The following COL17A1 variants were observed in gnomAD, a reference collection of about 807,000 sequenced individuals.
The protein encoded by COL17A1 is collagen alpha-1(XVII) chain.
In COL17A1, 181 loss-of-function variants were observed where a neutral mutation model predicts 218.4. That is an observed-to-expected ratio of 0.83 (90% CI 0.73 to 0.94). The LOEUF is 0.94. COL17A1 is among the 40% of genes least tolerant of loss of function. COL17A1 has a pLI of 0.00. For missense variants in COL17A1, 1,924 were observed against 1,945.9 expected (o/e 0.99, Z 0.21); for synonymous variants, 721 against 731.0 (o/e 0.99, Z 0.22).
At chr10:104,051,651 G>T in intron 24 of COL17A1, 135 bp from the exon 25 acceptor site, 1 of 1,093,238 alleles carries the variant, frequency 9.1e-7, no homozygotes, top group Non-Finnish European at 1.4e-6. Context: ...GCAGGCCAGG[G>T]GTGACCCCAG....
intron 34 of COL17A1, 32 bp from the exon 35 acceptor site, chr10:104,043,613 C>T: frequency 6.2e-7 from 1 of 1,611,836 alleles, no homozygotes; most frequent in South Asian, 1.1e-5. Context: ...AACATTGAGC[C>T]CTACTTTTCT....
chr10:104,055,867 G>T lies in COL17A1; in HGVS notation c.1602C>A (p.Asp534Glu). 2 of 1,614,180 alleles carry T rather than the reference G, an allele frequency of 1.2e-6. No individual in the cohort carries two copies. The highest frequency in any genetic ancestry group is 8.5e-7 in the Non-Finnish European group (1 of 1,180,038). The change falls in exon 18 of 56, where the codon GAC becomes GAA. Residue 534 changes from aspartate to glutamate, a missense_variant. Transcript: ENST00000648076. ...CACTGTGCAGCCCAATTTTGTCCAG[G>T]TCTGCTCCCGCCGCGGGTGCCATGC... ...LQGMAPAAGADLDKIGLHSDS... is the reference protein window; with the variant it reads ...LQGMAPAAGAELDKIGLHSDS...
At chr10:104,046,401 G>A (rs1217502837) in intron 32 of COL17A1, among the ~76,000 whole-genome samples, 4 of 152,176 alleles carry the variant, frequency 2.6e-5, no homozygotes, top group Non-Finnish European at 4.4e-5. Flanking sequence ...GCCCTGTCAT[G>A]CCAGTGGGGG....
At position 104,039,662 on chromosome 10, in the gene COL17A1, G is replaced by A. The variant is rs746497542; in HGVS notation, c.2789-22C>T. 1.1e-5 allele frequency: 18 copies of A among 1,613,732 alleles called. No individual in the cohort carries two copies. The Admixed American group carries it at 2.2e-4, about 19-fold the overall frequency. On this transcript the variant is annotated intron_variant, in intron 41 of 55. Coordinates refer to ENST00000648076, the MANE Select transcript of COL17A1 (RefSeq NM_000494.4). The stretch of plus-strand genomic sequence containing the variant: ...TCGCCTGAGGAACACACCAAGGGAG[G>A]GACAGTCAGCCTCACTTTTCTCACC...
intron 15 of COL17A1, among the ~76,000 whole-genome samples, chr10:104,059,125 C>G (rs771594733): frequency 1.3e-5 from 2 of 152,146 alleles, no homozygotes; most frequent in Admixed American, 1.3e-4. Flanking sequence ...AATCTCTCAC[C>G]TTGTTAAAGT....
At chr10:104,053,195 C>T in intron 22 of COL17A1, 60 bp from the exon 23 acceptor site, 1 of 1,584,478 alleles carries the variant, frequency 6.3e-7, no homozygotes, top group Non-Finnish European at 8.6e-7. Context: ...AACGGCTCCA[C>T]AGGCAGCCTC....
chr10:104,077,457 C>G lies in COL17A1; in HGVS notation c.167G>C (p.Ser56Thr), dbSNP rs1394179595. 3.1e-6 allele frequency: 5 copies of G among 1,613,586 alleles called. No homozygotes were observed. Among genetic ancestry groups the G allele is most frequent in the Non-Finnish European group, 4.2e-6 (5 of 1,179,870 alleles). ...GTAGCCGCTGCTGCCATGAGTCAGG[C>G]TTTGTTTCTCCAGCCGGCTCCCTCC... Reference protein sequence around the residue: ...LGGGSRLEKQSLTHGSSGYIN... With the variant: ...LGGGSRLEKQTLTHGSSGYIN... The change falls in exon 4 of 56, where the codon AGC becomes ACC. Residue 56 changes from serine (S) to threonine (T), a missense_variant. Transcript: ENST00000648076.
At chr10:104,041,578 C>G in intron 36 of COL17A1, 40 bp from the exon 37 acceptor site, 3 of 1,564,350 alleles carry the variant, frequency 1.9e-6, no homozygotes, top group African/African-American at 1.3e-5. Context: ...AAAGCTGTCA[C>G]GAGGCTGCTC....
chr10:104,047,109 G>T (rs1298943183), intron 31 of COL17A1, among the ~76,000 whole-genome samples: 1 of 152,192 alleles, frequency 6.6e-6, no homozygotes, highest in Non-Finnish European at 1.5e-5. Context: ...CCCCCTCTAT[G>T]GCTCCTGTCT....
chr10:104,033,874 CAAGA>C, intron 52 of COL17A1, 67 bp downstream of exon 52: 1 of 1,606,692 alleles, frequency 6.2e-7, no homozygotes, highest in Non-Finnish European at 8.5e-7. Context: ...GTTCCACAAA[CAAGA>C]AAGCCAGTCT....
At chr10:104,032,998 A>T in intron 53 of COL17A1, 30 bp from the exon 54 acceptor site, 7 of 1,608,794 alleles carry the variant, frequency 4.4e-6, no homozygotes, top group Non-Finnish European at 5.9e-6. Context: ...CTGGCCTTAG[A>T]GTCTTGATCA....
intron 47 of COL17A1, among the ~76,000 whole-genome samples, 164 bp from the exon 48 acceptor site, chr10:104,036,796 C>T (rs1195576862): frequency 2.0e-5 from 3 of 152,182 alleles, no homozygotes; most frequent in Admixed American, 6.5e-5. Context: ...CAGCAAGCTG[C>T]CAGGTTCCCA....
intron 18 of COL17A1, 22 bp downstream of exon 18, chr10:104,055,760 C>T (rs2086516918): frequency 6.2e-7 from 1 of 1,613,352 alleles, no homozygotes; most frequent in Admixed American, 1.7e-5. Flanking sequence ...GGAGCTGGCC[C>T]TGTGCCCGGC....
chr10:104,082,349 G>A (rs1441580532), intron 1 of COL17A1, among the ~76,000 whole-genome samples: 2 of 152,116 alleles, frequency 1.3e-5, no homozygotes, highest in Non-Finnish European at 2.9e-5. Context: ...GCAAACCTAC[G>A]TGCAACTGGA....
rs569345377 is a variant in COL17A1, at chr10:104,037,076, G to T, written c.3246C>A (p.Ile1082=). Residue 1082 remains isoleucine (I), a synonymous_variant, in exon 47 of 56, where the codon ATC becomes ATA. Transcript: ENST00000648076. ...GYGVSLFSSS[I]SSEDILAVLQ... is the part of the protein sequence containing the mutation. ...GCACAGCCAGAATGTCTTCAGAAGA[G>T]ATGGAGGACGAGAACAAGCTGACAC... 15 of 1,607,898 alleles carry T rather than the reference G, an allele frequency of 9.3e-6. No individual in the cohort carries two copies. The South Asian group carries it at 1.7e-4, about 18-fold the overall frequency.
In COL17A1 at chr10:104,050,642, T is replaced by C. The variant is rs805722; in HGVS notation, c.2107A>G (p.Met703Val). Residue 703 changes from methionine (M) to valine (V), a missense_variant, in exon 27 of 56, where the codon ATG becomes GTG. By Grantham distance (21) the Met-to-Val change is conservative. Transcript: ENST00000648076. ...ATACCTTTGGGTCCTGGTGGTCCCA[T>C]TGGTCCTTTGTCACCTAAAAAGGAA... Reference protein sequence around the residue: ...LPGVKGDKGPMGPPGPKGDQG... With the variant: ...LPGVKGDKGPVGPPGPKGDQG... 1,293,597 of 1,613,354 alleles carry C rather than the reference T, an allele frequency of 0.8. 522,823 individuals are homozygous for C. The highest frequency in any genetic ancestry group is 0.83 in the Non-Finnish European group (974,982 of 1,179,990).
chr10:104,079,922 G>A lies in COL17A1; in HGVS notation c.52+700C>T, dbSNP rs185982166. 5.7e-4 allele frequency among the ~76,000 whole-genome samples: 34 copies of A among 59,368 alleles called. No homozygotes were observed. In the East Asian group the frequency reaches 0.01, roughly 18 times the overall value. 38.9% of individuals were successfully genotyped at this position (59,368 alleles called of 152,430 possible). A position where few individuals can be genotyped will look rare whatever the true frequency, so the allele number is the denominator to read the frequency against. ...AGCCTGGGCAACAGAGCAAGACTCC[G>A]TCTCAAAAAAAAAAAAAAAGGAAAT... On this transcript the variant is annotated intron_variant, in intron 2 of 55. Transcript: ENST00000648076.
At chr10:104,039,896 C>T (rs1589559189) in intron 41 of COL17A1, 77 bp downstream of exon 41, 2 of 1,591,468 alleles carry the variant, frequency 1.3e-6, no homozygotes, top group East Asian at 2.2e-5. Flanking sequence ...TTCTATCAAG[C>T]TCAAAGCTCT....
At chr10:104,077,911 C>T (rs1191650557) in intron 3 of COL17A1, among the ~76,000 whole-genome samples, 1 of 152,174 alleles carries the variant, frequency 6.6e-6, no homozygotes, top group South Asian at 2.1e-4. Flanking sequence ...GGTCAGTGCC[C>T]AGGCATGGCA....
Sources: allele counts gnomAD v4.1 joint callset (sites outside exome capture counted in the v4.1 genomes callset), GRCh38; gene constraint gnomAD v4.1.1; transcripts MANE v1.5; gene names NCBI Gene and HGNC (gene_info 2026-07-23, HGNC 2026-07-21).